The following PGF variants were observed in gnomAD, a reference collection of about 807,000 sequenced individuals.
PGF encodes the protein placenta growth factor.
A neutral mutation model predicts 25.3 loss-of-function variants in PGF; 11 were observed. The ratio of observed to expected loss-of-function variants is 0.43; its 90% CI spans 0.27 to 0.72. PGF has a LOEUF of 0.72. Ranked by LOEUF, PGF falls within the 30% of genes least tolerant of loss-of-function variation. PGF has a pLI of 0.18. For missense variants in PGF, 230 were observed against 234.9 expected, an observed-to-expected ratio of 0.98 and a Z score of 0.14; for synonymous variants, 105 against 97.9, an observed-to-expected ratio of 1.07 and a Z score of -0.43.
intron 4 of PGF, 180 bp downstream of exon 4, chr14:74,948,327 G>A (rs539056233): frequency 2.1e-6 from 1 of 487,208 alleles, no homozygotes; most frequent in East Asian, 3.3e-5. Flanking sequence ...GGCTGGTGGG[G>A]GGACAAAATG....
chr14:74,950,269 C>A lies in PGF; in HGVS notation c.119-716G>T, dbSNP rs1157793948. Among the ~76,000 whole-genome samples, 2 of 152,240 alleles carry A rather than the reference C, an allele frequency of 1.3e-5. No homozygotes were observed. Among genetic ancestry groups the A allele is most frequent in the Admixed American group, 6.5e-5 (1 of 15,286 alleles). On this transcript the variant is annotated intron_variant, in intron 2 of 6. Transcript: ENST00000555567. The surrounding 1 kb of genome is among the most constrained non-coding windows in gnomAD (Gnocchi z 4.1). ...CTCTTTGAAGACTTCCCCAGCAATT[C>A]CAGTGCACACAGATGAGCCTCCCTT...
Position 74,955,520 on chromosome 14 carries a change from C to T in PGF, c.-278G>A, listed in dbSNP as rs951114795. The T allele has an allele frequency of 4.1e-4, 146 of 355,996 alleles. 2 individuals carry two copies. Among genetic ancestry groups the T allele is most frequent in the Admixed American group, 5.6e-4 (12 of 21,256 alleles). The allele number at this position is 355,996 out of a possible 1,614,324, so 22.1% of individuals were successfully genotyped here. A position where few individuals can be genotyped will look rare whatever the true frequency, so the allele number is the denominator to read the frequency against. The stretch of plus-strand genomic sequence containing the variant: ...TCCCGGGGATGGTCCGTCGGGCGCC[C>T]AGTGCCACTCCAGGTCCTCCCGTAG... On this transcript the variant is annotated 5_prime_UTR_variant, in exon 1 of 7. Coordinates refer to ENST00000555567, the MANE Select transcript of PGF (RefSeq NM_002632.6). This position sits in a 1 kb window ranked among gnomAD's most constrained non-coding sequence, Gnocchi z 4.1.
chr14:74,953,961 G>C lies in PGF; in HGVS notation c.76-15C>G. ...AAGGCCCACTGCTATGGACAGAAAA[G>C]TGCAGAGGTGAGCTGGGGGTACCTT... On this transcript the variant is annotated splice_polypyrimidine_tract_variant and intron_variant, in intron 1 of 6. Transcript: ENST00000555567. This position sits in a 1 kb window ranked among gnomAD's most constrained non-coding sequence, Gnocchi z 5.4. 1 of 1,613,772 alleles carries C rather than the reference G, an allele frequency of 6.2e-7. No individual in the cohort carries two copies. The highest frequency in any genetic ancestry group is 8.5e-7 in the Non-Finnish European group (1 of 1,179,872).
In PGF at chr14:74,955,287, A is replaced by G. The variant is rs1373249554; in HGVS notation, c.-45T>C. ...CAGGGGGCTCCGAGGGAAAACCACC[A>G]TGCTCATCCCCCGGGGAGCCCCTGG... On this transcript the variant is annotated 5_prime_UTR_variant, in exon 1 of 7. An upstream start codon of the reference 5' UTR is lost. Coordinates refer to ENST00000555567, the MANE Select transcript of PGF (RefSeq NM_002632.6). This position sits in a 1 kb window ranked among gnomAD's most constrained non-coding sequence, Gnocchi z 4.1. The G allele has an allele frequency of 1.1e-5, 14 of 1,247,688 alleles. No individual in the cohort carries two copies. The highest frequency in any genetic ancestry group is 1.8e-5 in the South Asian group (1 of 56,782). The allele number at this position is 1,247,688 out of a possible 1,614,324, so 77.3% of individuals were successfully genotyped here. A position where few individuals can be genotyped will look rare whatever the true frequency, so the allele number is the denominator to read the frequency against.
chr14:74,950,213 C>T lies in PGF; in HGVS notation c.119-660G>A, dbSNP rs1016822270. Among the ~76,000 whole-genome samples, 3 of 152,202 alleles carry T rather than the reference C, an allele frequency of 2.0e-5. No individual in the cohort carries two copies. Among genetic ancestry groups the T allele is most frequent in the Admixed American group, 6.5e-5 (1 of 15,286 alleles). On this transcript the variant is annotated intron_variant, in intron 2 of 6. Transcript: ENST00000555567. This position sits in a 1 kb window ranked among gnomAD's most constrained non-coding sequence, Gnocchi z 4.1. ...CATTTCTATCCAAATAAAGTCCACC[C>T]GCCATTTTCCACGACCTGCCTCCCC...
Position 74,949,337 on chromosome 14 carries a change from TG to T in PGF, c.315+19del. 7 of 1,480,534 alleles carry T rather than the reference TG, an allele frequency of 4.7e-6. No homozygotes were observed. The highest frequency in any genetic ancestry group is 6.3e-6 in the Non-Finnish European group (7 of 1,107,214). The allele number at this position is 1,480,534 out of a possible 1,614,324, so 91.7% of individuals were successfully genotyped here. On this transcript the variant is annotated intron_variant, in intron 3 of 6. Coordinates refer to ENST00000555567, the MANE Select transcript of PGF (RefSeq NM_002632.6). ...CTAGTGGGCAGATTCGGTGGCCCCC[TG>T]GGCAGGGTATGGACCTACCTGCATG... is the stretch of plus-strand genomic sequence containing the variant.
chr14:74,954,604 C>A (rs1478478489), intron 1 of PGF, among the ~76,000 whole-genome samples: 2 of 152,146 alleles, frequency 1.3e-5, no homozygotes, highest in Admixed American at 1.3e-4. Flanking sequence ...AAGGGCCCTG[C>A]TCACTTCCCC....
At chr14:74,946,303 G>T (rs752117814) in intron 5 of PGF, 28 bp from the exon 6 acceptor site, 7 of 1,614,050 alleles carry the variant, frequency 4.3e-6, no homozygotes, top group Non-Finnish European at 5.9e-6. Context: ...TCAGGACAAG[G>T]TGGCTGGGGA....
rs1167781030 is a variant in PGF at position 74,950,753 on chromosome 14, ACCAACCG to A, written c.119-1207_119-1201del. 6.6e-6 allele frequency among the ~76,000 whole-genome samples: 1 copy of A among 152,176 alleles called. No individual in the cohort carries two copies. The highest frequency in any genetic ancestry group is 1.5e-5 in the Non-Finnish European group (1 of 68,030). ...GGTTGCTAAGGTCTTTCCCTCTCTG[ACCAACCG>A]CCTGTGAATCAGTGCCTGCAACCCA... On this transcript the variant is annotated intron_variant, in intron 2 of 6. Transcript: ENST00000555567. The surrounding 1 kb of genome is among the most constrained non-coding windows in gnomAD (Gnocchi z 4.1).
In PGF at chr14:74,941,996, GGCTGA is replaced by G. The variant is rs1393684969; in HGVS notation, c.*705_*709del. Reference sequence around the variant, plus strand: ...CTCCCCTGGTGACCTCATCCCCACTGGCTGAGCTGTTTCTCATCCAGGCAGCTCTT... The same window carrying G: ...CTCCCCTGGTGACCTCATCCCCACTGGCTGTTTCTCATCCAGGCAGCTCTT... On this transcript the variant is annotated 3_prime_UTR_variant, in exon 7 of 7. Transcript: ENST00000555567. 1 of 152,714 alleles carries G rather than the reference GGCTGA, an allele frequency of 6.5e-6. No homozygotes were observed. The highest frequency in any genetic ancestry group is 1.5e-5 in the Non-Finnish European group (1 of 68,242). 9.5% of individuals were successfully genotyped at this position (152,714 alleles called of 1,614,324 possible).
intron 6 of PGF, 21 bp from the exon 7 acceptor site, chr14:74,942,754 A>C (rs201673674): frequency 3.7e-5 from 59 of 1,606,742 alleles, no homozygotes; most frequent in Non-Finnish European, 4.8e-5. Context: ...CCAAGCACAG[A>C]CGGGGCGGGT....
chr14:74,948,216 C>G (rs1888784842), intron 4 of PGF: 1 of 313,590 alleles, frequency 3.2e-6, no homozygotes, highest in African/African-American at 2.1e-5. Context: ...ACGACACGCA[C>G]CGAACCCCTG....
At chr14:74,954,366 G>T in intron 1 of PGF, 1 of 219,338 alleles carries the variant, frequency 4.6e-6, no homozygotes, top group African/African-American at 2.2e-5. Flanking sequence ...GTGGCGCCAT[G>T]AGCTGGTGCA....
At chr14:74,952,847 A>G (rs1185821232) in intron 2 of PGF, among the ~76,000 whole-genome samples, 3 of 152,220 alleles carry the variant, frequency 2.0e-5, no homozygotes, top group Non-Finnish European at 4.4e-5. Context: ...AACCATAGAC[A>G]TCATGTAGCC....
rs61759402 is a variant in PGF at position 74,944,242 on chromosome 14, A to G, written c.486-1509T>C. 4.5e-3 allele frequency among the ~76,000 whole-genome samples: 681 copies of G among 151,808 alleles called. 2 individuals are homozygous for G. The highest frequency in any genetic ancestry group is 6.1e-3 in the Non-Finnish European group (413 of 67,992). Reference sequence around the variant, plus strand: ...CTCAGCCTCCCGAGTAGCTGGGACTATAGGCACCCACCACCACACCCGGCT... The same window carrying G: ...CTCAGCCTCCCGAGTAGCTGGGACTGTAGGCACCCACCACCACACCCGGCT... On this transcript the variant is annotated intron_variant, in intron 6 of 6. Transcript: ENST00000555567.
At chr14:74,954,045 C>T in intron 1 of PGF, 99 bp from the exon 2 acceptor site, 1 of 1,126,492 alleles carries the variant, frequency 8.9e-7, no homozygotes. Flanking sequence ...CCTCTGGGTT[C>T]CTTCCCACTT....
chr14:74,942,453 G>C lies in PGF; in HGVS notation c.*253C>G, dbSNP rs1186478951. ...CCTAGCTTGCCCCTCACGAGGCCAC[G>C]TGTCTTGCTTCTTTCAAAGCGGAAG... On this transcript the variant is annotated 3_prime_UTR_variant, in exon 7 of 7. Transcript: ENST00000555567. The C allele has an allele frequency of 2.0e-6, 1 of 500,652 alleles. No homozygotes were observed. Among genetic ancestry groups the C allele is most frequent in the African/African-American group, 2.0e-5 (1 of 49,208 alleles). 31.0% of individuals were successfully genotyped at this position (500,652 alleles called of 1,614,324 possible). A position where few individuals can be genotyped will look rare whatever the true frequency, so the allele number is the denominator to read the frequency against.
Position 74,949,438 on chromosome 14 carries a change from G to T in PGF, c.234C>A (p.Val78=). The change falls in exon 3 of 7, where the codon GTC becomes GTA. Residue 78 remains valine (V), a synonymous_variant. Coordinates refer to ENST00000555567, the MANE Select transcript of PGF (RefSeq NM_002632.6). ...EVEHMFSPSC[V]SLLRCTGCCG... is the part of the protein sequence containing the mutation. ...AGCAGCCGGTGCAGCGCAGCAGGGAGACACAGGATGGGCTGAACATGTGCT... is the reference window on the plus strand; with the variant it reads ...AGCAGCCGGTGCAGCGCAGCAGGGATACACAGGATGGGCTGAACATGTGCT... 6.2e-7 allele frequency: 1 copy of T among 1,612,590 alleles called. No individual in the cohort carries two copies. Among genetic ancestry groups the T allele is most frequent in the Non-Finnish European group, 8.5e-7 (1 of 1,179,426 alleles).
Position 74,944,397 on chromosome 14 carries a change from T to C in PGF, c.486-1664A>G, listed in dbSNP as rs140611347. 2.1e-3 allele frequency among the ~76,000 whole-genome samples: 323 copies of C among 152,188 alleles called. 4 individuals are homozygous for C. The East Asian group carries it at 0.028, about 13-fold the overall frequency. ...GATTACAGGTGTGAGCCACCGCGCC[T>C]GGCCTGCTTGTTCATTTTCTTAAAA... On this transcript the variant is annotated intron_variant, in intron 6 of 6. Transcript: ENST00000555567.
Sources: gnomAD v4.1 joint callset for allele counts (sites outside exome capture counted in the v4.1 genomes callset) on GRCh38, gnomAD v4.1.1 for gene constraint, Gnocchi (gnomAD v3.1) non-coding constraint, MANE v1.5 for transcripts, NCBI Gene and HGNC (gene_info 2026-07-23, HGNC 2026-07-21) for gene names.